PPFIBP1: variants seen among roughly 807,000 people sequenced by gnomAD.
PPFIBP1 encodes the protein PPFIB scaffold protein 1.
In PPFIBP1, 112 loss-of-function variants were observed where a neutral mutation model predicts 137.8. The ratio of observed to expected loss-of-function variants is 0.81; its 90% CI spans 0.70 to 0.95. The LOEUF (loss-of-function observed/expected upper bound fraction) is 0.95. Ranked by LOEUF, PPFIBP1 falls within the 40% of genes least tolerant of loss-of-function variation. The pLI is 0.00. For missense variants in PPFIBP1, 1,083 were observed against 1,196.6 expected (o/e 0.91, Z 1.40); for synonymous variants, 378 against 417.3 (o/e 0.91, Z 1.15).
chr12:27,692,818 T>C lies in PPFIBP1; in HGVS notation c.2954T>C (p.Met985Thr), dbSNP rs772597763. 8 of 1,614,070 alleles carry C rather than the reference T, an allele frequency of 5.0e-6. No homozygotes were observed. Among genetic ancestry groups the C allele is most frequent in the Admixed American group, 3.3e-5 (2 of 60,004 alleles). ...CAGCACATGTTAAAAGAAGATGACA[T>C]GTTTAAAGATTTTGCTGCCCGTTCC... The part of the protein sequence containing the change: ...NLTHMLKEDD[M>T]FKDFAARSPS... Residue 985 changes from methionine (M) to threonine (T), a missense_variant, in exon 30 of 30, where the codon ATG (methionine) becomes ACG (threonine). Physicochemically the swap from Met to Thr is moderately conservative, Grantham distance 81 (BLOSUM62 -1). Coordinates refer to ENST00000228425, the MANE Select transcript of PPFIBP1 (RefSeq NM_003622.4).
At position 27,565,323 on chromosome 12, in the gene PPFIBP1, C is replaced by G. The variant is rs1032015112; in HGVS notation, c.-123-12829C>G. 2.6e-5 allele frequency among the ~76,000 whole-genome samples: 4 copies of G among 152,320 alleles called. No homozygotes were observed. In the East Asian group the frequency reaches 7.7e-4, roughly 29 times the overall value. On this transcript the variant is annotated intron_variant, in intron 1 of 29. Coordinates refer to ENST00000228425, the MANE Select transcript of PPFIBP1 (RefSeq NM_003622.4). ...GGGGAAAGCTGGGCTCAGTATTGCC[C>G]CATCTTCTGTTTTCTCTAGAAAAAT...
intron 17 of PPFIBP1, among the ~76,000 whole-genome samples, chr12:27,674,628 C>A (rs1246351553): frequency 6.6e-6 from 1 of 152,048 alleles, no homozygotes; most frequent in East Asian, 1.9e-4. Flanking sequence ...TATTAAAAAA[C>A]AAAACCATAG....
At chr12:27,679,733 T>C in intron 20 of PPFIBP1, 94 bp downstream of exon 20, 4 of 1,455,500 alleles carry the variant, frequency 2.7e-6, no homozygotes, top group Non-Finnish European at 3.7e-6. Flanking sequence ...GGCCTTTGTA[T>C]TCCTCTTATG....
chr12:27,623,449 C>G (rs574274183), intron 2 of PPFIBP1, among the ~76,000 whole-genome samples: 41 of 152,076 alleles, frequency 2.7e-4, no homozygotes, highest in Non-Finnish European at 4.7e-4. Flanking sequence ...TCTGTAACCC[C>G]AGCACTTTGG....
intron 1 of PPFIBP1, among the ~76,000 whole-genome samples, chr12:27,562,349 A>G (rs928097112): frequency 6.6e-6 from 1 of 152,250 alleles, no homozygotes; most frequent in African/African-American, 2.4e-5. Context: ...AATATCATAC[A>G]TGGTATTATG....
At position 27,693,310 on chromosome 12, in the gene PPFIBP1, C is replaced by T. The variant is rs1473271504; in HGVS notation, c.*428C>T. The T allele has an allele frequency of 6.5e-6, 1 of 154,816 alleles. No individual in the cohort carries two copies. The highest frequency in any genetic ancestry group is 1.4e-5 in the Non-Finnish European group (1 of 69,696). 9.6% of individuals were successfully genotyped at this position (154,816 alleles called of 1,614,324 possible). A position where few individuals can be genotyped will look rare whatever the true frequency, so the allele number is the denominator to read the frequency against. On this transcript the variant is annotated 3_prime_UTR_variant, in exon 30 of 30. Coordinates refer to ENST00000228425, the MANE Select transcript of PPFIBP1 (RefSeq NM_003622.4). The stretch of plus-strand genomic sequence containing the variant: ...AATCAATATGTGGAACTTCTTTAAG[C>T]ATTCAGTGTGCCCACTAAATGCCAG...
intron 24 of PPFIBP1, among the ~76,000 whole-genome samples, chr12:27,683,316 C>T (rs11049094): frequency 0.1 from 15,808 of 152,234 alleles, 1,004 homozygotes; most frequent in Non-Finnish European, 0.14. Flanking sequence ...CTGCCTGCCT[C>T]GGCCTCCCAA....
At chr12:27,529,689 G>T (rs532091813) in intron 1 of PPFIBP1, among the ~76,000 whole-genome samples, 1 of 152,264 alleles carries the variant, frequency 6.6e-6, no homozygotes, top group East Asian at 1.9e-4. Context: ...GCAAGACTCT[G>T]TCTAAAATAA....
chr12:27,680,550 G>A (rs569711257), intron 21 of PPFIBP1, among the ~76,000 whole-genome samples: 173 of 152,244 alleles, frequency 1.1e-3, no homozygotes, highest in Middle Eastern at 3.4e-3. Context: ...GGTTAAATAA[G>A]TTAATATGTG....
At chr12:27,635,207 T>C (rs764705633) in intron 4 of PPFIBP1, 92 bp downstream of exon 4, 55 of 1,246,716 alleles carry the variant, frequency 4.4e-5, no homozygotes, top group Middle Eastern at 3.8e-4. Flanking sequence ...ACAAGAAAAG[T>C]TTAGGGCAAC....
At chr12:27,668,566 A>G (rs1205196140) in intron 13 of PPFIBP1, among the ~76,000 whole-genome samples, 1 of 152,186 alleles carries the variant, frequency 6.6e-6, no homozygotes, top group Non-Finnish European at 1.5e-5. Context: ...GTGCCCAAAG[A>G]TATCCAAATT....
rs146573638 is a variant in PPFIBP1, at chr12:27,691,101, A to G, written c.2686-648A>G. Reference sequence around the variant, plus strand: ...AAGTATCACTGATGTTTCCTCTCCAAAAAATTCTTTTAGCAGTCACCAGTC... The same window carrying G: ...AAGTATCACTGATGTTTCCTCTCCAGAAAATTCTTTTAGCAGTCACCAGTC... On this transcript the variant is annotated intron_variant, in intron 27 of 29. Transcript: ENST00000228425. Among the ~76,000 whole-genome samples, 15 of 149,154 alleles carry G rather than the reference A, an allele frequency of 1.0e-4. No individual in the cohort carries two copies. The East Asian group carries it at 2.0e-3, about 19-fold the overall frequency.
chr12:27,639,202 G>T (rs2057922744), intron 4 of PPFIBP1, among the ~76,000 whole-genome samples: 2 of 152,162 alleles, frequency 1.3e-5, no homozygotes, highest in Non-Finnish European at 2.9e-5. Flanking sequence ...AAATTCAGAA[G>T]TGCGTCTCCT....
intron 12 of PPFIBP1, 42 bp from the exon 13 acceptor site, chr12:27,667,124 C>G: frequency 2.7e-6 from 4 of 1,458,304 alleles, no homozygotes; most frequent in Non-Finnish European, 3.6e-6. Flanking sequence ...AAATATAAAT[C>G]AAAAGCTGCT....
At chr12:27,605,729 T>C (rs1253452788) in intron 2 of PPFIBP1, among the ~76,000 whole-genome samples, 1 of 152,178 alleles carries the variant, frequency 6.6e-6, no homozygotes, top group Non-Finnish European at 1.5e-5. Context: ...TGGTGGTGGT[T>C]TCATGGCTGT....
chr12:27,678,158 T>C (rs981972580), intron 19 of PPFIBP1, among the ~76,000 whole-genome samples: 1 of 152,224 alleles, frequency 6.6e-6, no homozygotes, highest in African/African-American at 2.4e-5. Context: ...GTGATTTTAG[T>C]ACAACTTTTA....
rs35185831 is a variant in PPFIBP1, at chr12:27,587,622, C to CAAAA, written c.-36+9401_-36+9404dup. Among the ~76,000 whole-genome samples, 134 of 73,218 alleles carry CAAAA rather than the reference C, an allele frequency of 1.8e-3. 8 individuals carry two copies. Among genetic ancestry groups the CAAAA allele is most frequent in the African/African-American group, 4.7e-3 (78 of 16,594 alleles). 48.0% of individuals were successfully genotyped at this position (73,218 alleles called of 152,430 possible). On this transcript the variant is annotated intron_variant, in intron 2 of 29. Coordinates refer to ENST00000228425, the MANE Select transcript of PPFIBP1 (RefSeq NM_003622.4). ...TCGGGGACAGAGCAAGACTCCATCT[C>CAAAA]AAAAAAAAAAAAAAAAAAAAAGATA...
intron 2 of PPFIBP1, among the ~76,000 whole-genome samples, chr12:27,579,882 C>G (rs1239349302): frequency 1.3e-5 from 2 of 152,162 alleles, no homozygotes; most frequent in African/African-American, 4.8e-5. Flanking sequence ...TTGTAGATTA[C>G]TCTTGTGGGG....
rs747747346 is a variant in PPFIBP1, at chr12:27,655,544, C to T, written c.696+730C>T. 1.6e-4 allele frequency among the ~76,000 whole-genome samples: 25 copies of T among 152,286 alleles called. 1 individual carries two copies. In the Middle Eastern group the frequency reaches 0.01, roughly 62 times the overall value. On this transcript the variant is annotated intron_variant, in intron 8 of 29. Coordinates refer to ENST00000228425, the MANE Select transcript of PPFIBP1 (RefSeq NM_003622.4). ...ATTCGCTTGTGAAAGAATTCTGTTT[C>T]GTATCCACAGTAGAGGTCATTTTCC...
Sources: allele counts gnomAD v4.1 joint callset (sites outside exome capture counted in the v4.1 genomes callset), GRCh38; gene constraint gnomAD v4.1.1; transcripts MANE v1.5; gene names NCBI Gene and HGNC (gene_info 2026-07-23, HGNC 2026-07-21).